The following POLR3B variants were observed in gnomAD, a reference collection of about 807,000 sequenced individuals.
POLR3B encodes the protein DNA-directed RNA polymerase III subunit RPC2.
In POLR3B, 96 loss-of-function variants were observed where a neutral mutation model predicts 147.4. The ratio of observed to expected loss-of-function variants is 0.65; its 90% CI spans 0.55 to 0.77. The LOEUF (loss-of-function observed/expected upper bound fraction) is 0.77, where lower values mean the gene tolerates loss of function less well. POLR3B is among the 30% of genes least tolerant of loss of function. The probability of loss-of-function intolerance (pLI) is 0.00; values close to 1 mark genes in which losing one functional copy is unlikely to be tolerated. For missense variants in POLR3B, 1,036 were observed against 1,413.5 expected, an observed-to-expected ratio of 0.73 and a Z score of 4.28; for synonymous variants, 461 against 485.9, an observed-to-expected ratio of 0.95 and a Z score of 0.67.
intron 6 of POLR3B, among the ~76,000 whole-genome samples, chr12:106,373,920 C>G (rs1224541312): frequency 6.6e-6 from 1 of 151,906 alleles, no homozygotes; most frequent in African/African-American, 2.4e-5. Context: ...TCAACTTATT[C>G]TATATTTTAA....
Position 106,504,738 on chromosome 12 carries a change from T to G in POLR3B, c.3272+484T>G, listed in dbSNP as rs1344979113. The stretch of plus-strand genomic sequence containing the variant: ...CGACCTGGTACCCTGCCCCCTTGTC[T>G]GTACTCTCTCTGCCATGGCTAGCTG... On this transcript the variant is annotated intron_variant, in intron 27 of 27. Coordinates refer to ENST00000228347, the MANE Select transcript of POLR3B (RefSeq NM_018082.6). This position sits in a 1 kb window ranked among gnomAD's most constrained non-coding sequence, Gnocchi z 4.6. 6.6e-6 allele frequency among the ~76,000 whole-genome samples: 1 copy of G among 152,208 alleles called. No homozygotes were observed. Among genetic ancestry groups the G allele is most frequent in the Non-Finnish European group, 1.5e-5 (1 of 68,038 alleles).
chr12:106,359,426 G>C (rs1038189472), intron 1 of POLR3B, among the ~76,000 whole-genome samples: 6 of 151,152 alleles, frequency 4.0e-5, no homozygotes, highest in Admixed American at 2.0e-4. Context: ...CTGCCTCCCG[G>C]GTTCAAGCAA....
chr12:106,400,931 C>T (rs1165836607), intron 10 of POLR3B, among the ~76,000 whole-genome samples: 1 of 152,114 alleles, frequency 6.6e-6, no homozygotes, highest in East Asian at 1.9e-4. Flanking sequence ...AAAGCAAGAG[C>T]AAACACATTC....
At chr12:106,379,957 C>A in intron 8 of POLR3B, 74 bp from the exon 9 acceptor site, 1 of 818,748 alleles carries the variant, frequency 1.2e-6, no homozygotes. Flanking sequence ...GATTAATGAT[C>A]ATTGCTATTA....
At chr12:106,418,070 A>G (rs2037330017) in intron 12 of POLR3B, among the ~76,000 whole-genome samples, 2 of 152,238 alleles carry the variant, frequency 1.3e-5, no homozygotes, top group African/African-American at 2.4e-5. Context: ...AGCTTTAGAT[A>G]ACAGAGTTGT....
At chr12:106,486,754 A>G (rs1464796820) in intron 23 of POLR3B, among the ~76,000 whole-genome samples, 1 of 152,220 alleles carries the variant, frequency 6.6e-6, no homozygotes, top group African/African-American at 2.4e-5. Flanking sequence ...CTTTCCTTCT[A>G]AAATCAGCTT....
chr12:106,368,542 A>T (rs1268666707), intron 4 of POLR3B, among the ~76,000 whole-genome samples: 2 of 152,154 alleles, frequency 1.3e-5, no homozygotes, highest in Non-Finnish European at 2.9e-5. Context: ...ATTTAAAAAA[A>T]AATTTTTCAA....
chr12:106,463,054 T>G (rs2037961801), intron 22 of POLR3B, among the ~76,000 whole-genome samples: 2 of 152,156 alleles, frequency 1.3e-5, no homozygotes, highest in African/African-American at 4.8e-5. Flanking sequence ...AGATTTCTAA[T>G]AATGTTTGTT....
chr12:106,384,058 A>G (rs1347123195), intron 9 of POLR3B, among the ~76,000 whole-genome samples: 1 of 152,208 alleles, frequency 6.6e-6, no homozygotes, highest in Non-Finnish European at 1.5e-5. Context: ...AAATATTGCA[A>G]GAATTACCAA....
chr12:106,403,908 A>C (rs1376805927), intron 10 of POLR3B, among the ~76,000 whole-genome samples: 3 of 151,902 alleles, frequency 2.0e-5, no homozygotes, highest in African/African-American at 7.3e-5. Context: ...ACATGTATAC[A>C]TATGTAACAA....
intron 1 of POLR3B, among the ~76,000 whole-genome samples, chr12:106,361,134 C>A (rs910282718): frequency 2.0e-5 from 3 of 152,136 alleles, no homozygotes; most frequent in Non-Finnish European, 2.9e-5. Context: ...CAGCTGTGCA[C>A]ATGAGGACAT....
intron 12 of POLR3B, among the ~76,000 whole-genome samples, chr12:106,417,564 T>C (rs2037321015): frequency 6.6e-6 from 1 of 152,086 alleles, no homozygotes; most frequent in Non-Finnish European, 1.5e-5. Context: ...TGAGAGATAG[T>C]GCGGCTGGGA....
Position 106,388,311 on chromosome 12 carries a change from T to C in POLR3B, c.724-4720T>C, listed in dbSNP as rs145447579. ...GCAGTGTTTCCTGGAAACTAACTTA[T>C]ATGGAAATTTATCTTTTTTTTTTTT... On this transcript the variant is annotated intron_variant, in intron 9 of 27. Transcript: ENST00000228347. Among the ~76,000 whole-genome samples the C allele has an allele frequency of 7.5e-3, 1,116 of 148,896 alleles. 14 individuals are homozygous for C. Among genetic ancestry groups the C allele is most frequent in the African/African-American group, 0.025 (1,017 of 41,214 alleles).
chr12:106,432,456 A>T lies in POLR3B; in HGVS notation c.1603A>T (p.Asn535Tyr). The T allele has an allele frequency of 6.2e-7, 1 of 1,613,126 alleles. No homozygotes were observed. The highest frequency in any genetic ancestry group is 1.1e-5 in the South Asian group (1 of 91,068). The change falls in exon 15 of 28, where the codon AAT (asparagine) becomes TAT (tyrosine). Residue 535 changes from asparagine (N) to tyrosine (Y), a missense_variant. By Grantham distance (143) the Asn-to-Tyr change is moderately radical. Coordinates refer to ENST00000228347, the MANE Select transcript of POLR3B (RefSeq NM_018082.6). ...ATGTGGGGAAGAGCTCTCTTACCCAAATGTGTTTCTTGTCTTTCTTAATGG... is the reference window on the plus strand; with the variant it reads ...ATGTGGGGAAGAGCTCTCTTACCCATATGTGTTTCTTGTCTTTCTTAATGG... ...LLCGEELSYP[N>Y]VFLVFLNGNI...
intron 1 of POLR3B, among the ~76,000 whole-genome samples, chr12:106,359,889 C>T (rs751941496): frequency 6.6e-6 from 1 of 152,184 alleles, no homozygotes; most frequent in Non-Finnish European, 1.5e-5. Flanking sequence ...TAACTGCTAT[C>T]GGACCGCTTC....
Position 106,437,005 on chromosome 12 carries a change from T to C in POLR3B, c.1782-52T>C, listed in dbSNP as rs2037585466. The C allele has an allele frequency of 7.2e-6, 10 of 1,380,710 alleles. No homozygotes were observed. In the Admixed American group the frequency reaches 1.4e-4, roughly 19 times the overall value. 85.5% of individuals were successfully genotyped at this position (1,380,710 alleles called of 1,614,324 possible). On this transcript the variant is annotated intron_variant, in intron 16 of 27. Transcript: ENST00000228347. ...TCACTTTGGTAAACTAACTTGCCTG[T>C]GTAATTTTTCCCTGGAACTATTATT...
intron 12 of POLR3B, among the ~76,000 whole-genome samples, chr12:106,423,001 T>C (rs965590930): frequency 6.6e-6 from 1 of 152,210 alleles, no homozygotes; most frequent in Non-Finnish European, 1.5e-5. Context: ...TATAATTTTA[T>C]TCATGAGGGT....
chr12:106,432,956 C>G (rs375805274), intron 15 of POLR3B, among the ~76,000 whole-genome samples: 2 of 152,196 alleles, frequency 1.3e-5, no homozygotes, highest in Admixed American at 1.3e-4. Flanking sequence ...CCGTCTCCTT[C>G]GAAGTCTTCC....
intron 2 of POLR3B, among the ~76,000 whole-genome samples, chr12:106,364,321 A>G (rs1158387888): frequency 1.3e-5 from 2 of 152,244 alleles, no homozygotes; most frequent in Non-Finnish European, 2.9e-5. Flanking sequence ...CGACCAGTCA[A>G]GAGGAGCTGC....
Sources: gnomAD v4.1 joint callset for allele counts (sites outside exome capture counted in the v4.1 genomes callset) on GRCh38, gnomAD v4.1.1 for gene constraint, Gnocchi (gnomAD v3.1) non-coding constraint, MANE v1.5 for transcripts, NCBI Gene and HGNC (gene_info 2026-07-23, HGNC 2026-07-21) for gene names.